Variants in TFIP11 observed in about 807,000 individuals in gnomAD.
The protein encoded by TFIP11 is tuftelin-interacting protein 11.
A neutral mutation model predicts 96.8 loss-of-function variants in TFIP11; 86 were observed. That is an observed-to-expected ratio of 0.89 (90% CI 0.75 to 1.06). The LOEUF (loss-of-function observed/expected upper bound fraction) is 1.06. Among genes scored for constraint, TFIP11 ranks in the 50% least tolerant of loss-of-function variants. The pLI is 0.00. For missense variants in TFIP11, 881 were observed against 1,076.7 expected, an observed-to-expected ratio of 0.82 and a Z score of 2.54; for synonymous variants, 405 against 395.2, an observed-to-expected ratio of 1.02 and a Z score of -0.29.
rs762508664 is a variant in TFIP11, at chr22:26,506,472, A to G, written c.364-13T>C. ...TAAAATTGCCACCCTGCAAAAAAGA[A>G]AAATCAAAGCTTAGTTAATGGAAAA... On this transcript the variant is annotated splice_polypyrimidine_tract_variant and intron_variant, in intron 5 of 14. Coordinates refer to ENST00000407690, the MANE Select transcript of TFIP11 (RefSeq NM_012143.4). 6 of 1,586,446 alleles carry G rather than the reference A, an allele frequency of 3.8e-6. No individual in the cohort carries two copies. The South Asian group carries it at 7.0e-5, about 18-fold the overall frequency.
rs1602188084 is a variant in TFIP11 at position 26,491,812 on chromosome 22, C to T, written c.*201G>A. 1 of 936,390 alleles carries T rather than the reference C, an allele frequency of 1.1e-6. No homozygotes were observed. The highest frequency in any genetic ancestry group is 1.6e-6 in the Non-Finnish European group (1 of 637,672). 58.0% of individuals were successfully genotyped at this position (936,390 alleles called of 1,614,324 possible). Reference sequence around the variant, plus strand: ...TGGCTGTCCTGTTTTGAGGACGATACCCCACATGAGGACTTGGTATAAAGA... The same window carrying T: ...TGGCTGTCCTGTTTTGAGGACGATATCCCACATGAGGACTTGGTATAAAGA... On this transcript the variant is annotated 3_prime_UTR_variant, in exon 15 of 15. Transcript: ENST00000407690.
intron 13 of TFIP11, 79 bp from the exon 14 acceptor site, chr22:26,494,383 T>G (rs1211831177): frequency 6.4e-7 from 1 of 1,554,330 alleles, no homozygotes; most frequent in Non-Finnish European, 8.9e-7. Flanking sequence ...TTTGTTTTGT[T>G]TTGATCCTGG....
intron 7 of TFIP11, among the ~76,000 whole-genome samples, chr22:26,503,376 C>CT (rs1348408399): frequency 1.3e-4 from 20 of 152,184 alleles, no homozygotes; most frequent in Non-Finnish European, 1.5e-5. Context: ...CCTGACCAGC[C>CT]TATTTATAAA....
chr22:26,494,236 C>G lies in TFIP11; in HGVS notation c.2061G>C (p.Lys687Asn). ...EEITKWYLGW[K>N]SMFSDQVLAH... ...CCAGCACTTGGTCTGAGAACATCGA[C>G]TTCCAACCCAGGTACCACTTGGTGA... The change falls in exon 14 of 15, where the codon AAG becomes AAC. Residue 687 changes from lysine to asparagine, a missense_variant. Transcript: ENST00000407690. 1 of 1,614,242 alleles carries G rather than the reference C, an allele frequency of 6.2e-7. No individual in the cohort carries two copies. Among genetic ancestry groups the G allele is most frequent in the Non-Finnish European group, 8.5e-7 (1 of 1,180,050 alleles).
intron 8 of TFIP11, 111 bp from the exon 9 acceptor site, chr22:26,499,742 T>C (rs1922552106): frequency 6.1e-6 from 7 of 1,145,718 alleles, no homozygotes; most frequent in Non-Finnish European, 7.4e-6. Context: ...ACCACATTAT[T>C]CAACAGAGCT....
intron 6 of TFIP11, among the ~76,000 whole-genome samples, chr22:26,505,550 T>C (rs1923292164): frequency 6.6e-6 from 1 of 152,174 alleles, no homozygotes; most frequent in Admixed American, 6.5e-5. Flanking sequence ...TAATGGAGAC[T>C]GCCTCCAAGA....
chr22:26,501,044 C>A (rs968745648), intron 8 of TFIP11, among the ~76,000 whole-genome samples: 1 of 152,110 alleles, frequency 6.6e-6, no homozygotes, highest in Middle Eastern at 3.4e-3. Context: ...CCATCACATC[C>A]GGCTAATTTT....
chr22:26,496,808 G>T lies in TFIP11; in HGVS notation c.1518C>A (p.Asp506Glu). The T allele has an allele frequency of 6.2e-7, 1 of 1,614,134 alleles. No individual in the cohort carries two copies. Among genetic ancestry groups the T allele is most frequent in the East Asian group, 2.2e-5 (1 of 44,878 alleles). Residue 506 changes from aspartate (D) to glutamate (E), a missense_variant, in exon 11 of 15, where the codon GAC (aspartate) becomes GAA (glutamate). Asp to Glu is a conservative substitution (Grantham distance 45). Transcript: ENST00000407690. ...TAATGTGCACCCAACTATCCAAAAA[G>T]TCCACCATCGGGTCACAGTTCCTTG... ...WQPRNCDPMV[D>E]FLDSWVHIIP...
chr22:26,507,772 T>C (rs1488163883), intron 4 of TFIP11, among the ~76,000 whole-genome samples: 1 of 152,180 alleles, frequency 6.6e-6, no homozygotes, highest in Non-Finnish European at 1.5e-5. Flanking sequence ...GTCTTTTTTG[T>C]ATAAAATAAA....
Position 26,491,520 on chromosome 22 carries a change from T to C in TFIP11, c.*493A>G. On this transcript the variant is annotated 3_prime_UTR_variant, in exon 15 of 15. Coordinates refer to ENST00000407690, the MANE Select transcript of TFIP11 (RefSeq NM_012143.4). ...TCAGACTTCACAATACATGGACATATTTAATGATACCTCTGTCCACTGGTT... is the reference window on the plus strand; with the variant it reads ...TCAGACTTCACAATACATGGACATACTTAATGATACCTCTGTCCACTGGTT... 1.2e-6 allele frequency: 2 copies of C among 1,614,158 alleles called. No individual in the cohort carries two copies. Among genetic ancestry groups the C allele is most frequent in the Non-Finnish European group, 1.7e-6 (2 of 1,179,974 alleles).
Position 26,499,351 on chromosome 22 carries a change from T to G in TFIP11, c.1082A>C (p.Glu361Ala), listed in dbSNP as rs573044162. Residue 361 changes from glutamate (E) to alanine (A), a missense_variant, in exon 9 of 15, where the codon GAG (glutamate) becomes GCG (alanine). Glu to Ala is a moderately radical substitution (Grantham distance 107). Coordinates refer to ENST00000407690, the MANE Select transcript of TFIP11 (RefSeq NM_012143.4). ...NLFHELEKMTEVLDHEERVIS... is the reference protein window; with the variant it reads ...NLFHELEKMTAVLDHEERVIS... ...GACCCGCTCCTCGTGGTCCAGGACCTCGGTCATCTTCTCCAGCTCGTGGAA... is the reference window on the plus strand; with the variant it reads ...GACCCGCTCCTCGTGGTCCAGGACCGCGGTCATCTTCTCCAGCTCGTGGAA... 1 of 1,614,028 alleles carries G rather than the reference T, an allele frequency of 6.2e-7. No homozygotes were observed. The highest frequency in any genetic ancestry group is 8.5e-7 in the Non-Finnish European group (1 of 1,180,026).
At position 26,509,524 on chromosome 22, in the gene TFIP11, G is replaced by A. The variant is rs74276968; in HGVS notation, c.209+540C>T. ...AAGGCAAGAATGGGTCTATAGCACA[G>A]GCCTAATACATAGCAATCGCTCAAT... is the stretch of plus-strand genomic sequence containing the variant. On this transcript the variant is annotated intron_variant, in intron 4 of 14. Transcript: ENST00000407690. Among the ~76,000 whole-genome samples, 1,943 of 152,270 alleles carry A rather than the reference G, an allele frequency of 0.013. 71 individuals carry two copies. In the East Asian group the frequency reaches 0.15, roughly 11 times the overall value.
intron 2 of TFIP11, among the ~76,000 whole-genome samples, chr22:26,511,509 G>C (rs961134440): frequency 1.3e-5 from 2 of 152,268 alleles, no homozygotes; most frequent in East Asian, 3.9e-4. Context: ...ATGGGACTAG[G>C]GAGTAAACTT....
At position 26,499,339 on chromosome 22, in the gene TFIP11, T is replaced by G. The variant is rs1208046395; in HGVS notation, c.1094A>C (p.His365Pro). The G allele has an allele frequency of 1.2e-6, 2 of 1,614,142 alleles. No homozygotes were observed. Among genetic ancestry groups the G allele is most frequent in the Non-Finnish European group, 1.7e-6 (2 of 1,179,996 alleles). The stretch of plus-strand genomic sequence containing the variant: ...GAGGTTCGAGATGACCCGCTCCTCG[T>G]GGTCCAGGACCTCGGTCATCTTCTC... ...ELEKMTEVLD[H>P]EERVISNLSK... Residue 365 changes from histidine to proline, a missense_variant, in exon 9 of 15, where the codon CAC becomes CCC. Physicochemically the swap from His to Pro is moderately conservative, Grantham distance 77. Transcript: ENST00000407690.
intron 11 of TFIP11, 95 bp from the exon 12 acceptor site, chr22:26,496,411 G>A: frequency 6.8e-7 from 1 of 1,478,678 alleles, no homozygotes; most frequent in Non-Finnish European, 9.0e-7. Flanking sequence ...CCTGGAGGAG[G>A]CCCTGTGCTC....
rs746836190 is a variant in TFIP11, at chr22:26,503,639, C to T, written c.648+27G>A. ...CATTAGAAATGGACAGGACACCATC[C>T]ACCCATGTCTCCTGACTTCCAGTTA... On this transcript the variant is annotated intron_variant, in intron 7 of 14. Coordinates refer to ENST00000407690, the MANE Select transcript of TFIP11 (RefSeq NM_012143.4). 2.4e-5 allele frequency: 38 copies of T among 1,612,208 alleles called. No individual in the cohort carries two copies. The South Asian group carries it at 3.5e-4, about 15-fold the overall frequency.
rs369744572 is a variant in TFIP11 at position 26,510,216 on chromosome 22, G to GTCA, written c.54_56dup (p.Asp19dup). On this transcript the variant is annotated inframe_insertion, in exon 4 of 15. Transcript: ENST00000407690. Reference sequence around the variant, plus strand: ...CAGTGATCTCAAAGTTCTCCCGCTCGTCATCATCATCATCAATGCGGCCTT... The same window carrying GTCA: ...CAGTGATCTCAAAGTTCTCCCGCTCGTCATCATCATCATCATCAATGCGGCCTT... The GTCA allele has an allele frequency of 1.7e-5, 28 of 1,613,928 alleles. No individual in the cohort carries two copies. The highest frequency in any genetic ancestry group is 6.7e-5 in the East Asian group (3 of 44,880).
At position 26,491,734 on chromosome 22, in the gene TFIP11, G is replaced by C. The variant is rs577061104; in HGVS notation, c.*279C>G. 1.8e-5 allele frequency: 27 copies of C among 1,462,004 alleles called. No individual in the cohort carries two copies. The African/African-American group carries it at 3.2e-4, about 17-fold the overall frequency. The allele number at this position is 1,462,004 out of a possible 1,614,324, so 90.6% of individuals were successfully genotyped here. ...AGCTGCCACCAGAGACTAAAGGGAA[G>C]GCTGCTATGGAGGAACTACAGAGAA... On this transcript the variant is annotated 3_prime_UTR_variant, in exon 15 of 15. Transcript: ENST00000407690.
In TFIP11 at chr22:26,510,670, G is replaced by A. The variant is rs987229316; in HGVS notation, c.-63C>T. Reference sequence around the variant, plus strand: ...ATCCCAGATTCTTTTTTCTATTACTGAGGAAAGAATTATATCTGGATCCTT... The same window carrying A: ...ATCCCAGATTCTTTTTTCTATTACTAAGGAAAGAATTATATCTGGATCCTT... On this transcript the variant is annotated 5_prime_UTR_variant, in exon 3 of 15. Transcript: ENST00000407690. 1 of 175,100 alleles carries A rather than the reference G, an allele frequency of 5.7e-6. No homozygotes were observed. The allele number at this position is 175,100 out of a possible 1,614,324, so 10.8% of individuals were successfully genotyped here.
Sources: gnomAD v4.1 joint callset for allele counts (sites outside exome capture counted in the v4.1 genomes callset) on GRCh38, gnomAD v4.1.1 for gene constraint, MANE v1.5 for transcripts, NCBI Gene and HGNC (gene_info 2026-07-23, HGNC 2026-07-21) for gene names.